MRGBP: variants seen among roughly 807,000 people sequenced by gnomAD.
The protein encoded by MRGBP is MRG domain binding protein.
In MRGBP, 5 loss-of-function variants were observed where a neutral mutation model predicts 21.5. That is an observed-to-expected ratio of 0.23 (90% CI 0.12 to 0.49). MRGBP has a LOEUF of 0.49. Among genes scored for constraint, MRGBP ranks in the 20% least tolerant of loss-of-function variants. The pLI is 0.98. For missense variants in MRGBP, 227 were observed against 277.4 expected (o/e 0.82, Z 1.29); for synonymous variants, 118 against 104.4 (o/e 1.13, Z -0.79).
rs1990451532 is a variant in MRGBP at position 62,801,112 on chromosome 20, G to T, written c.*1469G>T. 1 of 152,282 alleles carries T rather than the reference G, an allele frequency of 6.6e-6. No individual in the cohort carries two copies. Among genetic ancestry groups the T allele is most frequent in the Admixed American group, 6.5e-5 (1 of 15,290 alleles). The allele number at this position is 152,282 out of a possible 1,614,324, so 9.4% of individuals were successfully genotyped here. ...GGCAAAGCCAGGAATCCCGTGCCAT[G>T]TGATCGCCCCGTGTGGCACCTGCCA... On this transcript the variant is annotated 3_prime_UTR_variant, in exon 5 of 5. Transcript: ENST00000370487.
Position 62,798,044 on chromosome 20 carries a change from G to A in MRGBP, c.271-543G>A, listed in dbSNP as rs573643425. The stretch of plus-strand genomic sequence containing the variant: ...ATAGGTCTCTCCCTCTGGTCTGTGC[G>A]ACCTCAGGAGGGCAGTGCCTGGCAA... On this transcript the variant is annotated intron_variant, in intron 2 of 4. Coordinates refer to ENST00000370487, the MANE Select transcript of MRGBP (RefSeq NM_018270.6). 2.2e-4 allele frequency among the ~76,000 whole-genome samples: 33 copies of A among 152,258 alleles called. No individual in the cohort carries two copies. The South Asian group carries it at 2.9e-3, about 13-fold the overall frequency.
intron 2 of MRGBP, 73 bp from the exon 3 acceptor site, chr20:62,798,514 C>T: frequency 7.4e-7 from 1 of 1,344,874 alleles, no homozygotes; most frequent in Admixed American, 1.7e-5. Context: ...GTGGCTCTTA[C>T]ACGGCTCTAG....
Position 62,797,121 on chromosome 20 carries a change from C to T in MRGBP, c.160C>T (p.His54Tyr), listed in dbSNP as rs1990355169. ...CCTCCTCCCCTCAGGTGTGAACCGACACTTCCACATGATTTGTATTCGGGA... is the reference window on the plus strand; with the variant it reads ...CCTCCTCCCCTCAGGTGTGAACCGATACTTCCACATGATTTGTATTCGGGA... Reference protein sequence around the residue: ...LGHKPVGVNRHFHMICIRDKF... With the variant: ...LGHKPVGVNRYFHMICIRDKF... The change falls in exon 2 of 5, where the codon CAC becomes TAC. Residue 54 changes from histidine to tyrosine, a missense_variant. Coordinates refer to ENST00000370487, the MANE Select transcript of MRGBP (RefSeq NM_018270.6). The T allele has an allele frequency of 1.2e-6, 2 of 1,603,868 alleles. No individual in the cohort carries two copies. The highest frequency in any genetic ancestry group is 1.7e-6 in the Non-Finnish European group (2 of 1,176,618).
At position 62,799,069 on chromosome 20, in the gene MRGBP, T is replaced by G; in HGVS notation, c.427+20T>G. ...ACGATGGTGAGTGTGGAGCTCACCC[T>G]GCCCTGATGCCCTTTGGGGCTCAGC... On this transcript the variant is annotated intron_variant, in intron 4 of 4. Coordinates refer to ENST00000370487, the MANE Select transcript of MRGBP (RefSeq NM_018270.6). 6.3e-7 allele frequency: 1 copy of G among 1,596,880 alleles called. No individual in the cohort carries two copies. The highest frequency in any genetic ancestry group is 8.5e-7 in the Non-Finnish European group (1 of 1,171,392).
rs950597019 is a variant in MRGBP, at chr20:62,796,593, C to T, written c.70C>T (p.Pro24Ser). The T allele has an allele frequency of 1.1e-5, 14 of 1,281,942 alleles. No individual in the cohort carries two copies. The highest frequency in any genetic ancestry group is 1.4e-5 in the Non-Finnish European group (14 of 1,010,382). 79.4% of individuals were successfully genotyped at this position (1,281,942 alleles called of 1,614,324 possible). A position where few individuals can be genotyped will look rare whatever the true frequency, so the allele number is the denominator to read the frequency against. ...DKGPGEAATSPAEETVVWSPE... is the reference protein window; with the variant it reads ...DKGPGEAATSSAEETVVWSPE... ...GGGCCCGGGGGAGGCGGCCACCAGCCCGGCGGAGGAGACAGTGGTGTGGAG... is the reference window on the plus strand; with the variant it reads ...GGGCCCGGGGGAGGCGGCCACCAGCTCGGCGGAGGAGACAGTGGTGTGGAG... The change falls in exon 1 of 5, where the codon CCG (proline) becomes TCG (serine). Residue 24 changes from proline to serine, a missense_variant. Physicochemically the swap from Pro to Ser is moderately conservative, Grantham distance 74. Around this residue, in one of 2 missense-constraint regions of MRGBP, gnomAD observed 65 missense variants for 49.7 expected, o/e 1.31. Transcript: ENST00000370487.
chr20:62,800,068 G>A lies in MRGBP; in HGVS notation c.*425G>A, dbSNP rs984890565. On this transcript the variant is annotated 3_prime_UTR_variant, in exon 5 of 5. Transcript: ENST00000370487. ...AACATGACCTCACTCTTCCTCAAAG[G>A]AGCCCCTGGTCTTCCCTGTGTGACT... is the stretch of plus-strand genomic sequence containing the variant. 6.3e-6 allele frequency: 1 copy of A among 159,634 alleles called. No individual in the cohort carries two copies. Among genetic ancestry groups the A allele is most frequent in the South Asian group, 1.9e-4 (1 of 5,272 alleles). The allele number at this position is 159,634 out of a possible 1,614,324, so 9.9% of individuals were successfully genotyped here.
chr20:62,800,132 T>G lies in MRGBP; in HGVS notation c.*489T>G, dbSNP rs1990425906. ...CTGTTTGTCCCGCTGCAAGCCTCTTTCTGCGCTGACTGTGACATTGGAACG... is the reference window on the plus strand; with the variant it reads ...CTGTTTGTCCCGCTGCAAGCCTCTTGCTGCGCTGACTGTGACATTGGAACG... On this transcript the variant is annotated 3_prime_UTR_variant, in exon 5 of 5. Transcript: ENST00000370487. 6.5e-6 allele frequency: 1 copy of G among 153,690 alleles called. No homozygotes were observed. The highest frequency in any genetic ancestry group is 1.5e-5 in the Non-Finnish European group (1 of 68,924). The allele number at this position is 153,690 out of a possible 1,614,324, so 9.5% of individuals were successfully genotyped here.
At position 62,798,504 on chromosome 20, in the gene MRGBP, G is replaced by A; in HGVS notation, c.271-83G>A. On this transcript the variant is annotated intron_variant, in intron 2 of 4. Transcript: ENST00000370487. Reference sequence around the variant, plus strand: ...TGTGTGCTCATTGGCCTCTCCCCAAGTGGCTCTTACACGGCTCTAGTGACT... The same window carrying A: ...TGTGTGCTCATTGGCCTCTCCCCAAATGGCTCTTACACGGCTCTAGTGACT... 2.6e-6 allele frequency: 3 copies of A among 1,161,154 alleles called. No individual in the cohort carries two copies. The South Asian group carries it at 3.7e-5, about 14-fold the overall frequency. The allele number at this position is 1,161,154 out of a possible 1,614,324, so 71.9% of individuals were successfully genotyped here. A position where few individuals can be genotyped will look rare whatever the true frequency, so the allele number is the denominator to read the frequency against.
Position 62,799,064 on chromosome 20 carries a change from C to T in MRGBP, c.427+15C>T. On this transcript the variant is annotated intron_variant, in intron 4 of 4. Transcript: ENST00000370487. ...GGCTGACGATGGTGAGTGTGGAGCT[C>T]ACCCTGCCCTGATGCCCTTTGGGGC... 3.7e-6 allele frequency: 6 copies of T among 1,603,616 alleles called. No homozygotes were observed. Among genetic ancestry groups the T allele is most frequent in the Non-Finnish European group, 4.3e-6 (5 of 1,174,906 alleles).
intron 2 of MRGBP, 96 bp downstream of exon 2, chr20:62,797,327 T>TGTCTGCTGGG (rs1241565011): frequency 2.8e-6 from 4 of 1,441,528 alleles, no homozygotes; most frequent in East Asian, 5.3e-5. Flanking sequence ...GGCCCCTCCA[T>TGTCTGCTGGG]GTCTGCTGGG....
At chr20:62,796,933 G>A (rs1990349560) in intron 1 of MRGBP, among the ~76,000 whole-genome samples, 177 bp from the exon 2 acceptor site, 2 of 109,994 alleles carry the variant, frequency 1.8e-5, no homozygotes, top group South Asian at 6.6e-4. Flanking sequence ...CCCCGGGACA[G>A]CCCACCCCCT....
Position 62,799,451 on chromosome 20 carries a change from C to A in MRGBP, c.428-5C>A. 6.2e-7 allele frequency: 1 copy of A among 1,600,214 alleles called. No homozygotes were observed. The highest frequency in any genetic ancestry group is 8.5e-7 in the Non-Finnish European group (1 of 1,173,592). On this transcript the variant is annotated splice_polypyrimidine_tract_variant and splice_region_variant and intron_variant, in intron 4 of 4. Transcript: ENST00000370487. The stretch of plus-strand genomic sequence containing the variant: ...TTTTCAGCCAAGTGATTTTTCGTTT[C>A]TCAGTTTTTTCATCTTCAGGGAGTT...
chr20:62,797,284 C>T, intron 2 of MRGBP, 53 bp downstream of exon 2: 1 of 1,498,046 alleles, frequency 6.7e-7, no homozygotes, highest in Non-Finnish European at 8.9e-7. Context: ...AACCCGCACA[C>T]CGCTCTCTGA....
intron 1 of MRGBP, 31 bp downstream of exon 1, chr20:62,796,702 G>T: frequency 7.9e-7 from 1 of 1,258,810 alleles, no homozygotes; most frequent in South Asian, 2.2e-5. Context: ...CGCGCGTGGG[G>T]GCGGGGCGGG....
intron 3 of MRGBP, 37 bp downstream of exon 3, chr20:62,798,705 A>G: frequency 1.2e-6 from 2 of 1,609,532 alleles, no homozygotes; most frequent in Non-Finnish European, 1.7e-6. Flanking sequence ...GGATTCAGAA[A>G]AGGCCAGACC....
chr20:62,799,496 A>T lies in MRGBP; in HGVS notation c.468A>T (p.Lys156Asn). 1 of 1,613,722 alleles carries T rather than the reference A, an allele frequency of 6.2e-7. No individual in the cohort carries two copies. Among genetic ancestry groups the T allele is most frequent in the Non-Finnish European group, 8.5e-7 (1 of 1,179,894 alleles). Residue 156 changes from lysine to asparagine, a missense_variant, in exon 5 of 5, where the codon AAA becomes AAT. By Grantham distance (94) the Lys-to-Asn change is moderately conservative. Around this residue, in one of 2 missense-constraint regions of MRGBP, gnomAD observed 162 missense variants for 227.7 expected, o/e 0.71. Transcript: ENST00000370487. Reference sequence around the variant, plus strand: ...GGAGTTTGGGGAAAGCATCAGAAAAATCCAGCAAAGACAAAGAGAAGAACT... The same window carrying T: ...GGAGTTTGGGGAAAGCATCAGAAAATTCCAGCAAAGACAAAGAGAAGAACT... ...SSGSLGKASE[K>N]SSKDKEKNSS...
At chr20:62,798,232 CATG>C (rs1990378488) in intron 2 of MRGBP, among the ~76,000 whole-genome samples, 1 of 152,168 alleles carries the variant, frequency 6.6e-6, no homozygotes, top group African/African-American at 2.4e-5. Flanking sequence ...AACGCAGTCT[CATG>C]GTGAGACTGC....
rs1313142922 is a variant in MRGBP, at chr20:62,799,655, T to C, written c.*12T>C. The C allele has an allele frequency of 1.9e-6, 3 of 1,600,958 alleles. No homozygotes were observed. The highest frequency in any genetic ancestry group is 1.3e-5 in the African/African-American group (1 of 74,654). ...GGCGCCGCACGTAGACCCTCAGCCC[T>C]GGTGGCGGCAGAGAAGCGGGCGAGG... is the stretch of plus-strand genomic sequence containing the variant. On this transcript the variant is annotated 3_prime_UTR_variant, in exon 5 of 5. Coordinates refer to ENST00000370487, the MANE Select transcript of MRGBP (RefSeq NM_018270.6).
chr20:62,799,134 C>T (rs563134437), intron 4 of MRGBP, 85 bp downstream of exon 4: 15 of 1,421,634 alleles, frequency 1.1e-5, no homozygotes, highest in African/African-American at 8.5e-5. Context: ...GTCAGGTGGG[C>T]GTAGAGCCTG....
Sources: gnomAD v4.1 joint callset for allele counts (sites outside exome capture counted in the v4.1 genomes callset) on GRCh38, gnomAD v4.1.1 for gene constraint, gnomAD v4.1.1 regional missense constraint, MANE v1.5 for transcripts, NCBI Gene and HGNC (gene_info 2026-07-23, HGNC 2026-07-21) for gene names.